The following FKBP10 variants were observed in gnomAD, a reference collection of about 807,000 sequenced individuals.
The protein encoded by FKBP10 is peptidyl-prolyl cis-trans isomerase FKBP10.
Under a neutral mutation model 53.7 loss-of-function variants are expected in FKBP10, and 34 were observed. The ratio of observed to expected loss-of-function variants is 0.63; its 90% CI spans 0.48 to 0.84. The LOEUF (loss-of-function observed/expected upper bound fraction) is 0.84, where lower values mean the gene tolerates loss of function less well. Among genes scored for constraint, FKBP10 ranks in the 40% least tolerant of loss-of-function variants. The probability of loss-of-function intolerance (pLI) is 0.00; values close to 1 mark genes in which losing one functional copy is unlikely to be tolerated. For missense variants in FKBP10, 748 were observed against 797.8 expected (o/e 0.94, Z 0.75); for synonymous variants, 324 against 335.7 (o/e 0.97, Z 0.38).
At chr17:41,817,302 C>A in intron 2 of FKBP10, 99 bp downstream of exon 2, 1 of 1,500,456 alleles carries the variant, frequency 6.7e-7, no homozygotes, top group Non-Finnish European at 9.1e-7. Flanking sequence ...TGAGGAGTGA[C>A]TTGCCCAATG....
chr17:41,816,923 G>A, intron 1 of FKBP10, 135 bp from the exon 2 acceptor site: 1 of 1,277,792 alleles, frequency 7.8e-7, no homozygotes. Context: ...TGAGAAGTGT[G>A]TGTGCGTATC....
At chr17:41,820,144 G>C in intron 6 of FKBP10, 125 bp from the exon 7 acceptor site, 1 of 1,286,990 alleles carries the variant, frequency 7.8e-7, no homozygotes, top group South Asian at 1.3e-5. Context: ...CAAACATCCC[G>C]TCCCATCCTC....
intron 6 of FKBP10, chr17:41,819,946 C>T (rs2047869131): frequency 6.5e-7 from 1 of 1,533,360 alleles, no homozygotes; most frequent in African/African-American, 1.4e-5. Flanking sequence ...ACAGAACCAG[C>T]ATACCCCCAG....
In FKBP10 at chr17:41,817,844, G is replaced by A. The variant is rs183200210; in HGVS notation, c.392-245G>A. Among the ~76,000 whole-genome samples, 5 of 151,920 alleles carry A rather than the reference G, an allele frequency of 3.3e-5. No individual in the cohort carries two copies. The East Asian group carries it at 9.7e-4, about 30-fold the overall frequency. On this transcript the variant is annotated intron_variant, in intron 2 of 9. Coordinates refer to ENST00000321562, the MANE Select transcript of FKBP10 (RefSeq NM_021939.4). ...GGGTTTCGCCATGTTGCGCAGGCTG[G>A]TCTTGAACTCCTGGGCTCAAGCCAT...
intron 1 of FKBP10, among the ~76,000 whole-genome samples, chr17:41,815,802 C>A (rs2047808959): frequency 6.8e-6 from 1 of 147,480 alleles, no homozygotes; most frequent in Admixed American, 6.8e-5. Context: ...AAAAAAAAAT[C>A]TCCCATCCTC....
At position 41,819,585 on chromosome 17, in the gene FKBP10, G is replaced by GGGATGGACCA. The variant is rs782237567; in HGVS notation, c.976_985dup (p.Gly329AspfsTer47). 1 of 1,614,010 alleles carries GGGATGGACCA rather than the reference G, an allele frequency of 6.2e-7. No homozygotes were observed. Reference sequence around the variant, plus strand: ...TATCGGGCAGGGTTACATCATCCCCGGGATGGACCAGGGGCTGCAGGGTGC... The same window carrying GGGATGGACCA: ...TATCGGGCAGGGTTACATCATCCCCGGGATGGACCAGGATGGACCAGGGGCTGCAGGGTGC... On this transcript the variant is annotated frameshift_variant, in exon 6 of 10. Transcript: ENST00000321562. LOFTEE classifies it high-confidence loss of function.
At chr17:41,813,762 G>A (rs1299679388) in intron 1 of FKBP10, among the ~76,000 whole-genome samples, 1 of 152,178 alleles carries the variant, frequency 6.6e-6, no homozygotes, top group Non-Finnish European at 1.5e-5. Context: ...GGGGGTGGGA[G>A]TTTTCAGCGG....
At chr17:41,819,779 C>T in intron 6 of FKBP10, 104 bp downstream of exon 6, 1 of 1,543,912 alleles carries the variant, frequency 6.5e-7, no homozygotes, top group Non-Finnish European at 8.7e-7. Context: ...CTCGGCCCCT[C>T]TCATCACAAA....
chr17:41,822,173 C>T (rs1555617273), intron 9 of FKBP10, 50 bp from the exon 10 acceptor site: 1 of 1,575,932 alleles, frequency 6.3e-7, no homozygotes. Context: ...CCTGCCCCTC[C>T]CAAGGCCATG....
intron 4 of FKBP10, 54 bp downstream of exon 4, chr17:41,818,581 G>C: frequency 6.2e-7 from 1 of 1,609,670 alleles, no homozygotes. Flanking sequence ...GAAAAACCAG[G>C]CCTCCACATA....
Position 41,822,419 on chromosome 17 carries a change from G to C in FKBP10, c.*11G>C, listed in dbSNP as rs372217550. The C allele has an allele frequency of 4.3e-5, 69 of 1,588,898 alleles. No individual in the cohort carries two copies. Among genetic ancestry groups the C allele is most frequent in the Admixed American group, 7.1e-5 (4 of 55,966 alleles). ...CACGAGGAGCTCTGAGGGGCAGGGA[G>C]CCTGGCCAGGCCTGAGACACAGAGG... is the stretch of plus-strand genomic sequence containing the variant. On this transcript the variant is annotated 3_prime_UTR_variant, in exon 10 of 10. Transcript: ENST00000321562.
intron 1 of FKBP10, 33 bp downstream of exon 1, chr17:41,813,312 C>T (rs782414782): frequency 6.2e-7 from 1 of 1,612,794 alleles, no homozygotes; most frequent in Non-Finnish European, 8.5e-7. Flanking sequence ...GGATTCACCA[C>T]TCCGTCCCCT....
Position 41,822,703 on chromosome 17 carries a change from C to T in FKBP10, c.*295C>T. The T allele has an allele frequency of 2.1e-6, 1 of 480,620 alleles. No homozygotes were observed. Among genetic ancestry groups the T allele is most frequent in the South Asian group, 2.1e-5 (1 of 48,426 alleles). The allele number at this position is 480,620 out of a possible 1,614,324, so 29.8% of individuals were successfully genotyped here. A position where few individuals can be genotyped will look rare whatever the true frequency, so the allele number is the denominator to read the frequency against. On this transcript the variant is annotated 3_prime_UTR_variant, in exon 10 of 10. Transcript: ENST00000321562. Reference sequence around the variant, plus strand: ...GGGGTTGGATAGGGCCATGGCTGGTCCCCCACCATACCTCCCCTCCACATC... The same window carrying T: ...GGGGTTGGATAGGGCCATGGCTGGTTCCCCACCATACCTCCCCTCCACATC...
intron 6 of FKBP10, 75 bp downstream of exon 6, chr17:41,819,750 A>G: frequency 3.9e-6 from 6 of 1,553,146 alleles, no homozygotes; most frequent in East Asian, 2.4e-5. Flanking sequence ...CCCCTCCCAC[A>G]GTGGGATTCC....
chr17:41,817,016 G>A (rs782388385), intron 1 of FKBP10, 42 bp from the exon 2 acceptor site: 21 of 1,613,470 alleles, frequency 1.3e-5, no homozygotes, highest in Admixed American at 5.0e-5. Context: ...CAGTGTGTGT[G>A]TGTCTGAGGT....
At chr17:41,817,326 G>C in intron 2 of FKBP10, 123 bp downstream of exon 2, 1 of 1,309,610 alleles carries the variant, frequency 7.6e-7, no homozygotes, top group Non-Finnish European at 1.1e-6. Context: ...CACTGTGCAC[G>C]CAGTATGAAG....
chr17:41,822,369 G>A lies in FKBP10; in HGVS notation c.1710G>A (p.Lys570=), dbSNP rs782586724. The A allele has an allele frequency of 6.2e-7, 1 of 1,612,582 alleles. No homozygotes were observed. Among genetic ancestry groups the A allele is most frequent in the East Asian group, 2.2e-5 (1 of 44,840 alleles). The change falls in exon 10 of 10, where the codon AAG becomes AAA. Residue 570 remains lysine, a synonymous_variant. Transcript: ENST00000321562. ...TCACAGTCGACGAGCTCAAGCTGAA[G>A]TCAGATGAGGACGAGGAGCGGGTCC... is the stretch of plus-strand genomic sequence containing the variant. ...GKITVDELKL[K]SDEDEERVHE... is the part of the protein sequence containing the mutation.
intron 6 of FKBP10, 117 bp downstream of exon 6, chr17:41,819,792 C>T: frequency 6.5e-7 from 1 of 1,542,388 alleles, no homozygotes. Context: ...ATCACAAAAA[C>T]ATGCATGCAG....
intron 2 of FKBP10, among the ~76,000 whole-genome samples, chr17:41,817,552 C>A (rs985630128): frequency 4.6e-5 from 7 of 152,078 alleles, no homozygotes; most frequent in Non-Finnish European, 1.0e-4. Context: ...GATTGCTTGA[C>A]CCCGGGAGGC....
Sources: gnomAD v4.1 joint callset for allele counts (sites outside exome capture counted in the v4.1 genomes callset) on GRCh38, gnomAD v4.1.1 for gene constraint, MANE v1.5 for transcripts, NCBI Gene and HGNC (gene_info 2026-07-23, HGNC 2026-07-21) for gene names.